FAM107B: variants seen among roughly 807,000 people sequenced by gnomAD.
FAM107B encodes the protein protein FAM107B.
A neutral mutation model predicts 31.5 loss-of-function variants in FAM107B; 21 were observed. The ratio of observed to expected loss-of-function variants is 0.67; its 90% CI spans 0.47 to 0.96. The LOEUF is 0.96. Ranked by LOEUF, FAM107B falls within the 40% of genes least tolerant of loss-of-function variation. The pLI is 0.00. For synonymous variants in FAM107B, 157 were observed against 141.5 expected (o/e 1.11, Z -0.78); for missense variants, 452 against 377.1 (o/e 1.20, Z -1.64).
intron 2 of FAM107B, among the ~76,000 whole-genome samples, chr10:14,533,724 A>G (rs1361085004): frequency 4.6e-5 from 7 of 152,206 alleles, no homozygotes; most frequent in Non-Finnish European, 8.8e-5. Flanking sequence ...CCTTGTTGCC[A>G]GGAGGGAGGT....
intron 2 of FAM107B, among the ~76,000 whole-genome samples, chr10:14,575,120 G>C (rs1851422258): frequency 6.6e-6 from 1 of 152,168 alleles, no homozygotes; most frequent in Non-Finnish European, 1.5e-5. Context: ...ACTGAATAAA[G>C]CAGGTGGCAT....
intron 1 of FAM107B, among the ~76,000 whole-genome samples, chr10:14,687,672 G>A (rs367815474): frequency 2.1e-4 from 32 of 152,212 alleles, no homozygotes; most frequent in African/African-American, 7.2e-4. Context: ...AGATTATAAT[G>A]AAAAGTGCTT....
chr10:14,764,495 A>T (rs2026620), intron 1 of FAM107B, among the ~76,000 whole-genome samples: 1 of 152,108 alleles, frequency 6.6e-6, no homozygotes, highest in Non-Finnish European at 1.5e-5. Flanking sequence ...TTTGTGGAGG[A>T]TTCCCCTTCC....
intron 2 of FAM107B, among the ~76,000 whole-genome samples, chr10:14,572,737 A>T (rs10906700): frequency 0.61 from 54,095 of 88,606 alleles, 14,087 homozygotes; most frequent in South Asian, 0.7. Context: ...AAAAAAAAAA[A>T]TTTATATATA....
intron 2 of FAM107B, among the ~76,000 whole-genome samples, chr10:14,550,166 T>C (rs1400042172): frequency 6.6e-6 from 1 of 152,242 alleles, no homozygotes; most frequent in African/African-American, 2.4e-5. Context: ...ATCCGATTTA[T>C]CTTGACTCCA....
At chr10:14,694,083 A>G (rs921593021) in intron 1 of FAM107B, among the ~76,000 whole-genome samples, 1 of 152,166 alleles carries the variant, frequency 6.6e-6, no homozygotes. Context: ...ATTCCGCTGT[A>G]TGTATATACC....
intron 1 of FAM107B, chr10:14,723,789 C>G (rs1356507434): frequency 1.3e-6 from 1 of 758,154 alleles, no homozygotes; most frequent in African/African-American, 1.7e-5. Flanking sequence ...CAGCAGCAAA[C>G]TTCAGCAGGG....
At chr10:14,639,083 A>G (rs1054893653) in intron 2 of FAM107B, among the ~76,000 whole-genome samples, 1 of 152,122 alleles carries the variant, frequency 6.6e-6, no homozygotes, top group South Asian at 2.1e-4. Flanking sequence ...AGTCCAAGCT[A>G]TTTGGGGGGT....
intron 2 of FAM107B, among the ~76,000 whole-genome samples, chr10:14,599,611 G>A (rs146743046): frequency 0.013 from 1,956 of 152,134 alleles, 35 homozygotes; most frequent in African/African-American, 0.044. Flanking sequence ...AAGATCAGCC[G>A]GGGCAACATA....
chr10:14,597,563 C>G (rs1852228759), intron 2 of FAM107B, among the ~76,000 whole-genome samples: 1 of 152,204 alleles, frequency 6.6e-6, no homozygotes, highest in Non-Finnish European at 1.5e-5. Flanking sequence ...TGAAGAGATA[C>G]TGAGGAGCAG....
chr10:14,635,397 T>G (rs1853472560), intron 2 of FAM107B, among the ~76,000 whole-genome samples: 1 of 152,114 alleles, frequency 6.6e-6, no homozygotes, highest in Non-Finnish European at 1.5e-5. Flanking sequence ...TAAATGGAGA[T>G]TTTAGCTATT....
chr10:14,627,857 T>C (rs967772498), intron 2 of FAM107B, among the ~76,000 whole-genome samples: 1 of 150,696 alleles, frequency 6.6e-6, no homozygotes, highest in African/African-American at 2.4e-5. Flanking sequence ...AAGAGGGAGA[T>C]CAGAATTAGG....
chr10:14,531,528 C>G (rs1846997838), intron 2 of FAM107B, among the ~76,000 whole-genome samples: 1 of 122,228 alleles, frequency 8.2e-6, no homozygotes, highest in Non-Finnish European at 1.7e-5. Flanking sequence ...CCTCATATCT[C>G]TAAAAGAAAA....
chr10:14,648,489 G>A (rs1389038477), intron 2 of FAM107B, among the ~76,000 whole-genome samples: 1 of 152,188 alleles, frequency 6.6e-6, no homozygotes, highest in African/African-American at 2.4e-5. Flanking sequence ...GCTCCGAGGG[G>A]AAAAGAAACA....
At chr10:14,545,472 T>C (rs1424330485) in intron 2 of FAM107B, among the ~76,000 whole-genome samples, 10 of 152,188 alleles carry the variant, frequency 6.6e-5, no homozygotes, top group Non-Finnish European at 1.0e-4. Context: ...AAAAAAGATA[T>C]TTAGATCTAA....
chr10:14,774,331 G>C lies in FAM107B; in HGVS notation c.333C>G (p.Ser111=). 1 of 1,614,214 alleles carries C rather than the reference G, an allele frequency of 6.2e-7. No homozygotes were observed. Among genetic ancestry groups the C allele is most frequent in the Non-Finnish European group, 8.5e-7 (1 of 1,180,046 alleles). ...PAETPEDVPG[S]LDDGADCEAV... ...CTTCACAGTCCGCCCCATCATCCAG[G>C]GACCCGGGCACATCTTCAGGCGTCT... Residue 111 remains serine, a synonymous_variant, in exon 1 of 5, where the codon TCC becomes TCG. Transcript: ENST00000181796.
At chr10:14,703,278 C>CT (rs1434527577) in intron 1 of FAM107B, among the ~76,000 whole-genome samples, 10 of 151,934 alleles carry the variant, frequency 6.6e-5, no homozygotes, top group Admixed American at 1.3e-4. Context: ...CAAGATTTCC[C>CT]TTTGCTCCTA....
At chr10:14,552,536 G>A (rs1014951354) in intron 2 of FAM107B, among the ~76,000 whole-genome samples, 7 of 151,948 alleles carry the variant, frequency 4.6e-5, no homozygotes, top group African/African-American at 1.7e-4. Context: ...GCTGTATACT[G>A]TGATAAGTTC....
intron 1 of FAM107B, among the ~76,000 whole-genome samples, chr10:14,670,179 G>GT (rs1222918936): frequency 6.6e-6 from 1 of 152,164 alleles, no homozygotes; most frequent in Non-Finnish European, 1.5e-5. Flanking sequence ...GGGAACAAAT[G>GT]TTTTTCCAGA....
Sources: gnomAD v4.1 joint callset for allele counts (sites outside exome capture counted in the v4.1 genomes callset) on GRCh38, gnomAD v4.1.1 for gene constraint, MANE v1.5 for transcripts, NCBI Gene and HGNC (gene_info 2026-07-23, HGNC 2026-07-21) for gene names.